Variants in CABP7 observed in about 807,000 individuals in gnomAD.
The protein encoded by CABP7 is calcium-binding protein 7.
CABP7 carries 13 observed loss-of-function variants against 23.1 expected under a neutral mutation model. That is an observed-to-expected ratio of 0.56 (90% confidence interval 0.37 to 0.90). CABP7 has a LOEUF of 0.90. CABP7 is among the 40% of genes least tolerant of loss of function. CABP7 has a pLI of 0.01. For missense variants in CABP7, 248 were observed against 295.6 expected (o/e 0.84, Z 1.18); for synonymous variants, 123 against 115.3 (o/e 1.07, Z -0.43).
chr22:29,727,548 G>A lies in CABP7; in HGVS notation c.110-114G>A, dbSNP rs1038139615. The A allele has an allele frequency of 1.2e-5, 16 of 1,311,556 alleles. No homozygotes were observed. Among genetic ancestry groups the A allele is most frequent in the Non-Finnish European group, 1.6e-5 (15 of 922,686 alleles). The allele number at this position is 1,311,556 out of a possible 1,614,324, so 81.2% of individuals were successfully genotyped here. A position where few individuals can be genotyped will look rare whatever the true frequency, so the allele number is the denominator to read the frequency against. The stretch of plus-strand genomic sequence containing the variant: ...TGCTCTCACCAGATCTGCAGGCTCT[G>A]GGTTGGGCTCTCAAGGCCATGCTCA... On this transcript the variant is annotated intron_variant, in intron 1 of 4. Transcript: ENST00000216144. This position sits in a 1 kb window ranked among gnomAD's most constrained non-coding sequence, Gnocchi z 4.2.
At chr22:29,728,951 AG>A in intron 3 of CABP7, 103 bp from the exon 4 acceptor site, 1 of 1,432,964 alleles carries the variant, frequency 7.0e-7, no homozygotes, top group South Asian at 1.3e-5. Flanking sequence ...AGTGTTTTCC[AG>A]CCCCCCAGAA....
chr22:29,723,172 C>A (rs1462353019), intron 1 of CABP7, among the ~76,000 whole-genome samples: 1 of 152,106 alleles, frequency 6.6e-6, no homozygotes, highest in African/African-American at 2.4e-5. Flanking sequence ...GGCCCAGGCC[C>A]GTGAGGGTGT....
At chr22:29,724,072 A>G (rs1243591414) in intron 1 of CABP7, among the ~76,000 whole-genome samples, 1 of 152,180 alleles carries the variant, frequency 6.6e-6, no homozygotes, top group African/African-American at 2.4e-5. Context: ...GCCTTACGGG[A>G]CGGGAAGGGA....
At chr22:29,723,663 T>C (rs1250166373) in intron 1 of CABP7, among the ~76,000 whole-genome samples, 1 of 152,178 alleles carries the variant, frequency 6.6e-6, no homozygotes, top group Non-Finnish European at 1.5e-5. Context: ...TGGGGGCCTT[T>C]AGGGCAGGGG....
rs201145080 is a variant in CABP7 at position 29,729,099 on chromosome 22, C to G, written c.411C>G (p.Leu137=). ...KLTVDELKRL[L]YDTFCEHLSM... is the part of the protein sequence containing the mutation. ...CGGTGGATGAGCTGAAGCGGCTGCT[C>G]TACGACACCTTCTGCGAGCACCTGT... Residue 137 remains leucine (L), a synonymous_variant, in exon 4 of 5, where the codon CTC becomes CTG. Transcript: ENST00000216144. 3,751 of 1,611,570 alleles carry G rather than the reference C, an allele frequency of 2.3e-3. 100 individuals are homozygous for G. In the South Asian group the frequency reaches 0.039, roughly 17 times the overall value.
intron 1 of CABP7, among the ~76,000 whole-genome samples, chr22:29,726,398 C>T (rs897887216): frequency 9.9e-5 from 15 of 152,198 alleles, no homozygotes; most frequent in Non-Finnish European, 1.9e-4. Context: ...CCCTGTCCCC[C>T]GAGACTAGGG....
At chr22:29,724,404 T>C (rs945613460) in intron 1 of CABP7, among the ~76,000 whole-genome samples, 5 of 152,224 alleles carry the variant, frequency 3.3e-5, no homozygotes, top group Admixed American at 2.6e-4. Context: ...ATCTGGGACA[T>C]TCTGATTTAT....
In CABP7 at chr22:29,720,880, C is replaced by T. The variant is rs1353371942; in HGVS notation, c.109+347C>T. On this transcript the variant is annotated intron_variant, in intron 1 of 4. Transcript: ENST00000216144. This position sits in a 1 kb window ranked among gnomAD's most constrained non-coding sequence, Gnocchi z 5.2. The stretch of plus-strand genomic sequence containing the variant: ...GGGGTCCGCGCTGAGCCCCCAGCGC[C>T]GGCCCGGCCGGAGCACCCGCATCCT... Among the ~76,000 whole-genome samples, 1 of 151,618 alleles carries T rather than the reference C, an allele frequency of 6.6e-6. No individual in the cohort carries two copies. The highest frequency in any genetic ancestry group is 6.6e-5 in the Admixed American group (1 of 15,238).
intron 4 of CABP7, 21 bp downstream of exon 4, chr22:29,729,229 C>T (rs777073109): frequency 2.5e-6 from 4 of 1,593,774 alleles, no homozygotes; most frequent in Admixed American, 1.8e-5. Flanking sequence ...GGCCCTGGAA[C>T]CCCACGGGTG....
chr22:29,731,140 TG>T lies in CABP7; in HGVS notation c.*1575del. 7.2e-7 allele frequency: 1 copy of T among 1,383,428 alleles called. No homozygotes were observed. The highest frequency in any genetic ancestry group is 9.5e-7 in the Non-Finnish European group (1 of 1,056,004). 85.7% of individuals were successfully genotyped at this position (1,383,428 alleles called of 1,614,324 possible). On this transcript the variant is annotated 3_prime_UTR_variant, in exon 5 of 5. Transcript: ENST00000216144. The stretch of plus-strand genomic sequence containing the variant: ...TGGGCAGATGGTCTCGGAGCCTCCA[TG>T]GGGCGTAGCAGGAACCGGGCTTGGC...
At chr22:29,728,246 GGCC>G (rs1476081914) in intron 2 of CABP7, among the ~76,000 whole-genome samples, 2 of 152,174 alleles carry the variant, frequency 1.3e-5, no homozygotes, top group African/African-American at 4.8e-5. Context: ...TCCATCCAGA[GGCC>G]AGGTGACAGC....
At chr22:29,725,725 A>C (rs965648110) in intron 1 of CABP7, among the ~76,000 whole-genome samples, 1 of 152,220 alleles carries the variant, frequency 6.6e-6, no homozygotes, top group African/African-American at 2.4e-5. Context: ...CACTTCAGGC[A>C]AAATGGGCTG....
intron 1 of CABP7, among the ~76,000 whole-genome samples, chr22:29,725,736 C>T (rs1299936023): frequency 6.6e-6 from 1 of 152,094 alleles, no homozygotes; most frequent in Non-Finnish European, 1.5e-5. Flanking sequence ...AAATGGGCTG[C>T]GTGTTCAAAG....
Position 29,729,509 on chromosome 22 carries a change from C to T in CABP7, c.588C>T (p.Ala196=). 1 of 1,612,748 alleles carries T rather than the reference C, an allele frequency of 6.2e-7. No individual in the cohort carries two copies. Residue 196 remains alanine (A), a synonymous_variant, in exon 5 of 5, where the codon GCC becomes GCT. Coordinates refer to ENST00000216144, the MANE Select transcript of CABP7 (RefSeq NM_182527.3). ...RKSLICAFAI[A]FIISVMLIAA... ...GTCTCATCTGCGCCTTCGCCATCGC[C>T]TTCATCATCAGTGTCATGCTCATTG...
chr22:29,722,645 T>C (rs987717109), intron 1 of CABP7, among the ~76,000 whole-genome samples: 1 of 152,252 alleles, frequency 6.6e-6, no homozygotes, highest in Admixed American at 6.5e-5. Context: ...CAGGTCCCTT[T>C]CAGCAGTCCT....
chr22:29,728,986 G>A (rs779365621), intron 3 of CABP7, 69 bp from the exon 4 acceptor site: 99 of 1,570,618 alleles, frequency 6.3e-5, no homozygotes, highest in Non-Finnish European at 7.9e-5. Flanking sequence ...CACCGGGTCT[G>A]TATGGCCGTG....
chr22:29,721,354 G>T (rs984274362), intron 1 of CABP7, among the ~76,000 whole-genome samples: 4 of 152,090 alleles, frequency 2.6e-5, no homozygotes, highest in Non-Finnish European at 5.9e-5. Context: ...CCTGGGGCCC[G>T]CCCAGCTCCT....
intron 1 of CABP7, among the ~76,000 whole-genome samples, chr22:29,724,003 C>T (rs1453950070): frequency 1.3e-5 from 2 of 152,318 alleles, no homozygotes; most frequent in Middle Eastern, 3.4e-3. Flanking sequence ...AACCTGGTGG[C>T]CCTGCCAGCC....
rs368243648 is a variant in CABP7, at chr22:29,731,573, T to C, written c.*2004T>C. Reference sequence around the variant, plus strand: ...GAAATAGCGGGGTTGCAGGCAGACATTGAGCTGCGAGACAATGGGAATAAC... The same window carrying C: ...GAAATAGCGGGGTTGCAGGCAGACACTGAGCTGCGAGACAATGGGAATAAC... On this transcript the variant is annotated 3_prime_UTR_variant, in exon 5 of 5. Transcript: ENST00000216144. 63 of 521,970 alleles carry C rather than the reference T, an allele frequency of 1.2e-4. 1 individual carries two copies. Among genetic ancestry groups the C allele is most frequent in the East Asian group, 8.8e-4 (23 of 26,246 alleles). 32.3% of individuals were successfully genotyped at this position (521,970 alleles called of 1,614,324 possible).
Sources: gnomAD v4.1 joint callset for allele counts (sites outside exome capture counted in the v4.1 genomes callset) on GRCh38, gnomAD v4.1.1 for gene constraint, Gnocchi (gnomAD v3.1) non-coding constraint, MANE v1.5 for transcripts, NCBI Gene and HGNC (gene_info 2026-07-23, HGNC 2026-07-21) for gene names.